BMP5: variants seen among roughly 807,000 people sequenced by gnomAD.
BMP5 encodes bone morphogenetic protein 5.
In BMP5, 23 loss-of-function variants were observed where a neutral mutation model predicts 46.6. The ratio of observed to expected loss-of-function variants is 0.49; its 90% confidence interval spans 0.35 to 0.70. BMP5 has a LOEUF of 0.70. Ranked by LOEUF, BMP5 falls within the 30% of genes least tolerant of loss-of-function variation. The pLI, the probability that BMP5 is intolerant of heterozygous loss-of-function variation, is 0.00. For synonymous variants in BMP5, 204 were observed against 191.9 expected (o/e 1.06, Z -0.52); for missense variants, 545 against 565.6 (o/e 0.96, Z 0.37).
intron 1 of BMP5, among the ~76,000 whole-genome samples, chr6:55,838,834 T>G (rs2127544821): frequency 6.6e-6 from 1 of 152,346 alleles, no homozygotes; most frequent in Admixed American, 6.5e-5. Context: ...AAACTGTAAA[T>G]AACATGTTCC....
chr6:55,757,767 G>A (rs1036874303), intron 6 of BMP5, among the ~76,000 whole-genome samples: 1 of 151,826 alleles, frequency 6.6e-6, no homozygotes, highest in African/African-American at 2.4e-5. Context: ...ATGTATATTT[G>A]CTTTATCTTT....
intron 2 of BMP5, among the ~76,000 whole-genome samples, chr6:55,813,727 C>T (rs1012943445): frequency 1.3e-5 from 2 of 148,580 alleles, no homozygotes; most frequent in Non-Finnish European, 2.9e-5. Context: ...ACGGAGCTTG[C>T]AGTGAGCAGA....
chr6:55,804,272 TAG>T (rs1419749296), intron 2 of BMP5, among the ~76,000 whole-genome samples: 3 of 152,104 alleles, frequency 2.0e-5, no homozygotes, highest in African/African-American at 7.2e-5. Context: ...GACACAAAGA[TAG>T]AGACACACAG....
At chr6:55,846,925 T>C (rs1270116410) in intron 1 of BMP5, among the ~76,000 whole-genome samples, 8 of 151,758 alleles carry the variant, frequency 5.3e-5, no homozygotes, top group Admixed American at 5.3e-4. Flanking sequence ...TCAATGGTTT[T>C]CATTTCAGGG....
chr6:55,832,062 A>G (rs1293142974), intron 1 of BMP5, among the ~76,000 whole-genome samples: 4 of 152,162 alleles, frequency 2.6e-5, no homozygotes, highest in African/African-American at 9.7e-5. Flanking sequence ...CTAACATCAC[A>G]AATATCCCAT....
Position 55,774,223 on chromosome 6 carries a change from A to AT in BMP5, c.852dup (p.Ser285IlefsTer25). The AT allele has an allele frequency of 6.2e-7, 1 of 1,612,998 alleles. No individual in the cohort carries two copies. The highest frequency in any genetic ancestry group is 1.7e-4 in the Middle Eastern group (1 of 5,996). The stretch of plus-strand genomic sequence containing the variant: ...CCCTGTCTTCCCACAAGACCAGCAG[A>AT]TTTTACGTTGATACTGCGTCCTAGA... On this transcript the variant is annotated frameshift_variant, in exon 4 of 7. Transcript: ENST00000370830. LOFTEE classifies it high-confidence loss of function.
chr6:55,844,954 A>G (rs1263686077), intron 1 of BMP5, among the ~76,000 whole-genome samples: 2 of 152,050 alleles, frequency 1.3e-5, no homozygotes, highest in Non-Finnish European at 1.5e-5. Context: ...AAAAACAAAA[A>G]GACAACTTGT....
chr6:55,782,653 T>C (rs377627182), intron 3 of BMP5, among the ~76,000 whole-genome samples: 2 of 152,094 alleles, frequency 1.3e-5, no homozygotes, highest in East Asian at 1.9e-4. Flanking sequence ...AAAAATAACG[T>C]GAAGAATACT....
At chr6:55,853,142 TAAAATAAAATA>T (rs1286058096) in intron 1 of BMP5, among the ~76,000 whole-genome samples, 1 of 6,856 alleles carries the variant, frequency 1.5e-4, no homozygotes, top group Non-Finnish European at 2.2e-4. Context: ...AATACATAAA[TAAAATAAAATA>T]AAATAAAATA....
In BMP5 at chr6:55,774,115, G is replaced by A. The variant is rs550837639; in HGVS notation, c.961C>T (p.Arg321Ter). The change falls in exon 4 of 7, where the codon CGA (arginine) becomes TGA (stop). Residue 321 changes from arginine (R) to a stop codon, truncating the protein, a stop_gained. Transcript: ENST00000370830. LOFTEE classifies it high-confidence loss of function. ...GATTTATTGCGGTTTTGATTTTTTC[G>A]TTTGTTGGCTGCTCTCACGGATCGA... ...LLRSVRAANK[R>*]KNQNRNKSSS... 12 of 1,612,982 alleles carry A rather than the reference G, an allele frequency of 7.4e-6. No individual in the cohort carries two copies. Among genetic ancestry groups the A allele is most frequent in the African/African-American group, 4.0e-5 (3 of 74,900 alleles).
chr6:55,774,208 C>G lies in BMP5; in HGVS notation c.868G>C (p.Gly290Arg). The change falls in exon 4 of 7, where the codon GGA (glycine) becomes CGA (arginine). Residue 290 changes from glycine to arginine, a missense_variant. Physicochemically the swap from Gly to Arg is moderately radical, Grantham distance 125. Transcript: ENST00000370830. ...SINVKSAGLV[G>R]RQGPQSKQPF... ...TGTTTTGACTGAGGTCCCTGTCTTC[C>G]CACAAGACCAGCAGATTTTACGTTG... 1 of 1,613,016 alleles carries G rather than the reference C, an allele frequency of 6.2e-7. No individual in the cohort carries two copies.
At chr6:55,810,584 G>A (rs555725913) in intron 2 of BMP5, among the ~76,000 whole-genome samples, 6 of 152,290 alleles carry the variant, frequency 3.9e-5, no homozygotes, top group South Asian at 2.1e-4. Context: ...TTCATGCAGT[G>A]AATGAGCAAT....
At chr6:55,867,123 G>A (rs1777661096) in intron 1 of BMP5, among the ~76,000 whole-genome samples, 1 of 152,080 alleles carries the variant, frequency 6.6e-6, no homozygotes, top group African/African-American at 2.4e-5. Context: ...GCACCAATGG[G>A]TTCTGTGGCT....
chr6:55,848,062 T>C (rs1280748706), intron 1 of BMP5, among the ~76,000 whole-genome samples: 1 of 152,018 alleles, frequency 6.6e-6, no homozygotes. Flanking sequence ...TAGTCAAAAC[T>C]GCTGGTGTAG....
chr6:55,759,028 T>A lies in BMP5; in HGVS notation c.1192A>T (p.Asn398Tyr), dbSNP rs754857723. 1.2e-6 allele frequency: 2 copies of A among 1,609,746 alleles called. No homozygotes were observed. Among genetic ancestry groups the A allele is most frequent in the East Asian group, 4.5e-5 (2 of 44,790 alleles). The change falls in exon 6 of 7, where the codon AAC becomes TAC. Residue 398 changes from asparagine (N) to tyrosine (Y), a missense_variant. Asn to Tyr is a moderately radical substitution (Grantham distance 143). Transcript: ENST00000370830. The stretch of plus-strand genomic sequence containing the variant: ...ACCAGAGTCTGAACTATAGCGTGGT[T>A]GGTGGCATTCATATGGGCGTTAAGT... ...FPLNAHMNATNHAIVQTLVHL... is the reference protein window; with the variant it reads ...FPLNAHMNATYHAIVQTLVHL...
chr6:55,818,943 TAGACAGAC>T (rs559321111), intron 2 of BMP5, among the ~76,000 whole-genome samples: 55 of 150,784 alleles, frequency 3.6e-4, no homozygotes, highest in Non-Finnish European at 5.0e-4. Flanking sequence ...GATAGATAGA[TAGACAGAC>T]AGACAGACAG....
At chr6:55,794,200 G>T (rs960215276) in intron 3 of BMP5, 79 bp downstream of exon 3, 4 of 1,450,570 alleles carry the variant, frequency 2.8e-6, no homozygotes, top group African/African-American at 2.8e-5. Context: ...AACATATATT[G>T]GTTATATCAC....
chr6:55,807,021 A>G (rs1396452806), intron 2 of BMP5, among the ~76,000 whole-genome samples: 1 of 152,152 alleles, frequency 6.6e-6, no homozygotes, highest in Non-Finnish European at 1.5e-5. Flanking sequence ...GCAAACAGAG[A>G]CAATTTGACC....
At chr6:55,790,008 T>C (rs530591440) in intron 3 of BMP5, among the ~76,000 whole-genome samples, 3 of 152,330 alleles carry the variant, frequency 2.0e-5, no homozygotes, top group African/African-American at 4.8e-5. Context: ...AATGCTACTT[T>C]TGATTTCAGC....
Sources: allele counts gnomAD v4.1 joint callset (sites outside exome capture counted in the v4.1 genomes callset), GRCh38; gene constraint gnomAD v4.1.1; transcripts MANE v1.5; gene names NCBI Gene and HGNC (gene_info 2026-07-23, HGNC 2026-07-21).